The following TJP1 variants were observed in gnomAD, a reference collection of about 807,000 sequenced individuals.
TJP1 encodes the protein tight junction protein ZO-1.
A neutral mutation model predicts 194.2 loss-of-function variants in TJP1; 43 were observed. The observed-to-expected ratio is 0.22, with a 90% CI of 0.17 to 0.29. The LOEUF (loss-of-function observed/expected upper bound fraction) is 0.29, where lower values mean the gene tolerates loss of function less well. Ranked by LOEUF, TJP1 falls within the 10% of genes least tolerant of loss-of-function variation. TJP1 has a pLI of 1.00. For missense variants in TJP1, 1,971 were observed against 2,185.7 expected (o/e 0.90, Z 1.96); for synonymous variants, 801 against 779.0 (o/e 1.03, Z -0.47).
chr15:29,760,724 T>C (rs1357041545), intron 8 of TJP1, among the ~76,000 whole-genome samples: 1 of 152,190 alleles, frequency 6.6e-6, no homozygotes, highest in Non-Finnish European at 1.5e-5. Context: ...GGTTAATGTG[T>C]TTATTAAAGG....
chr15:29,800,612 T>A (rs761098754), intron 2 of TJP1, 34 bp downstream of exon 2: 1 of 1,609,268 alleles, frequency 6.2e-7, no homozygotes, highest in Admixed American at 1.7e-5. Context: ...TATCCTGAGT[T>A]ATACACAGAT....
intron 18 of TJP1, 40 bp from the exon 19 acceptor site, chr15:29,720,748 GTTCT>G (rs2042880148): frequency 6.7e-7 from 1 of 1,483,646 alleles, no homozygotes; most frequent in African/African-American, 1.4e-5. Flanking sequence ...TTATTCAGTA[GTTCT>G]TTAAGAGATG....
chr15:29,710,905 G>A lies in TJP1; in HGVS notation c.4298C>T (p.Ser1433Leu), dbSNP rs2042200945. The change falls in exon 24 of 28, where the codon TCG becomes TTG. Residue 1433 changes from serine (S) to leucine (L), a missense_variant. Physicochemically the swap from Ser to Leu is moderately radical, Grantham distance 145. Transcript: ENST00000614355. Reference protein sequence around the residue: ...QATPPPPPLPSQYAQPSQPVT... With the variant: ...QATPPPPPLPLQYAQPSQPVT... Reference sequence around the variant, plus strand: ...AGGCTGAGATGGCTGGGCATACTGCGAGGGCAATGGAGGAGGAGGGGGAGT... The same window carrying A: ...AGGCTGAGATGGCTGGGCATACTGCAAGGGCAATGGAGGAGGAGGGGGAGT... 17 of 1,614,160 alleles carry A rather than the reference G, an allele frequency of 1.1e-5. No homozygotes were observed. The highest frequency in any genetic ancestry group is 4.5e-5 in the East Asian group (2 of 44,880).
intron 2 of TJP1, among the ~76,000 whole-genome samples, chr15:29,949,498 CACA>C (rs1216390707): frequency 2.6e-4 from 27 of 102,348 alleles, no homozygotes; most frequent in Non-Finnish European, 3.5e-4. Context: ...CCTCCACCTC[CACA>C]ACCACCACCT....
chr15:29,755,997 A>G (rs1239390481), intron 8 of TJP1, among the ~76,000 whole-genome samples: 2 of 152,238 alleles, frequency 1.3e-5, no homozygotes, highest in East Asian at 3.9e-4. Flanking sequence ...ACAATGTTAG[A>G]GGGAAACATA....
At chr15:29,737,444 G>C (rs367830845) in intron 10 of TJP1, 30 bp from the exon 11 acceptor site, 6 of 1,613,200 alleles carry the variant, frequency 3.7e-6, no homozygotes, top group Non-Finnish European at 5.1e-6. Context: ...ATTTGAAACA[G>C]TTAAGAAGAG....
At chr15:29,911,817 C>A (rs1034946865) in intron 2 of TJP1, among the ~76,000 whole-genome samples, 6 of 152,196 alleles carry the variant, frequency 3.9e-5, no homozygotes, top group African/African-American at 1.4e-4. Flanking sequence ...GTTAAGCATG[C>A]ATTCCTCTGT....
intron 1 of TJP1, among the ~76,000 whole-genome samples, chr15:29,811,419 T>A (rs1235165064): frequency 2.2e-5 from 2 of 92,668 alleles, no homozygotes; most frequent in East Asian, 7.5e-4. Flanking sequence ...AGAGGGAGGA[T>A]TACTTGGGTG....
At chr15:29,864,259 A>AAAC (rs1450369322) in intron 2 of TJP1, among the ~76,000 whole-genome samples, 2 of 148,710 alleles carry the variant, frequency 1.3e-5, no homozygotes, top group Non-Finnish European at 3.0e-5. Flanking sequence ...AAAAAAAAAA[A>AAAC]AAAAAGCTGG....
intron 2 of TJP1, among the ~76,000 whole-genome samples, chr15:29,780,885 G>A (rs1288118564): frequency 1.3e-5 from 2 of 151,750 alleles, no homozygotes; most frequent in African/African-American, 2.4e-5. Flanking sequence ...CAATACATAC[G>A]ACATTAACAA....
rs547633541 is a variant in TJP1 at position 29,793,444 on chromosome 15, G to C, written c.84+7202C>G. Among the ~76,000 whole-genome samples the C allele has an allele frequency of 5.3e-5, 8 of 152,244 alleles. No homozygotes were observed. The South Asian group carries it at 1.7e-3, about 32-fold the overall frequency. On this transcript the variant is annotated intron_variant, in intron 2 of 27. Transcript: ENST00000614355. ...TAGGTGGTTCTCACATTGCTATAAA[G>C]AAATACCTGAGACTGGGCAATTTAT...
At chr15:29,909,026 G>T (rs1246516986) in intron 2 of TJP1, among the ~76,000 whole-genome samples, 2 of 151,772 alleles carry the variant, frequency 1.3e-5, no homozygotes, top group Admixed American at 6.6e-5. Context: ...GTGTGGTGGT[G>T]GGCGCCTGTA....
At chr15:29,870,547 G>A (rs568605863) in intron 2 of TJP1, among the ~76,000 whole-genome samples, 1 of 152,302 alleles carries the variant, frequency 6.6e-6, no homozygotes, top group Admixed American at 6.5e-5. Flanking sequence ...TAAACAGGCA[G>A]GCTAGATTTA....
chr15:29,955,309 A>C (rs2055894726), intron 2 of TJP1, among the ~76,000 whole-genome samples: 1 of 152,168 alleles, frequency 6.6e-6, no homozygotes, highest in South Asian at 2.1e-4. Context: ...TTGCCATTGA[A>C]CCTTATGATA....
chr15:29,798,270 GTTTT>G (rs59427685), intron 2 of TJP1, among the ~76,000 whole-genome samples: 4 of 144,770 alleles, frequency 2.8e-5, no homozygotes, highest in African/African-American at 1.0e-4. Context: ...TGTGCCCAGC[GTTTT>G]TTTTTTTTTT....
intron 2 of TJP1, among the ~76,000 whole-genome samples, chr15:29,935,476 C>T (rs530192833): frequency 6.6e-6 from 1 of 152,102 alleles, no homozygotes; most frequent in Non-Finnish European, 1.5e-5. Context: ...ATGACTAGGA[C>T]AGGACAGTCA....
chr15:29,779,978 C>T (rs542372903), intron 2 of TJP1, among the ~76,000 whole-genome samples: 131 of 151,452 alleles, frequency 8.6e-4, no homozygotes, highest in African/African-American at 2.3e-3. Flanking sequence ...AAATCCTCCC[C>T]GCCACCTCCC....
At chr15:29,893,107 T>C (rs541384713) in intron 2 of TJP1, among the ~76,000 whole-genome samples, 2 of 152,262 alleles carry the variant, frequency 1.3e-5, no homozygotes, top group South Asian at 2.1e-4. Flanking sequence ...CCAACCCTCA[T>C]AGATGACTTT....
intron 1 of TJP1, among the ~76,000 whole-genome samples, chr15:29,963,666 T>C (rs969070884): frequency 2.6e-5 from 4 of 152,194 alleles, no homozygotes; most frequent in African/African-American, 9.6e-5. Flanking sequence ...AATACTTTTT[T>C]CTTTTTGAGA....
Sources: gnomAD v4.1 joint callset for allele counts (sites outside exome capture counted in the v4.1 genomes callset) on GRCh38, gnomAD v4.1.1 for gene constraint, MANE v1.5 for transcripts, NCBI Gene and HGNC (gene_info 2026-07-23, HGNC 2026-07-21) for gene names.